NOS1AP: variants seen among roughly 807,000 people sequenced by gnomAD.
The protein encoded by NOS1AP is nitric oxide synthase 1 adaptor protein.
A neutral mutation model predicts 56.2 loss-of-function variants in NOS1AP; 21 were observed. That is an observed-to-expected ratio of 0.37 (90% confidence interval 0.26 to 0.54). The LOEUF (loss-of-function observed/expected upper bound fraction) is 0.54. Ranked by LOEUF, NOS1AP falls within the 20% of genes least tolerant of loss-of-function variation. The pLI, the probability that NOS1AP is intolerant of heterozygous loss-of-function variation, is 0.84. For synonymous variants in NOS1AP, 270 were observed against 274.6 expected (o/e 0.98, Z 0.17); for missense variants, 522 against 657.8 (o/e 0.79, Z 2.26).
intron 2 of NOS1AP, among the ~76,000 whole-genome samples, chr1:162,278,857 T>C (rs895377771): frequency 6.6e-6 from 1 of 152,194 alleles, no homozygotes; most frequent in Non-Finnish European, 1.5e-5. Flanking sequence ...CAAATCAGGG[T>C]GACTGGGACA....
chr1:162,077,449 T>A (rs1420322029), intron 1 of NOS1AP, among the ~76,000 whole-genome samples: 1 of 152,208 alleles, frequency 6.6e-6, no homozygotes, highest in Non-Finnish European at 1.5e-5. Context: ...AAAAGTTGGA[T>A]TGGCTTTTTT....
chr1:162,306,781 A>G (rs766658139), intron 4 of NOS1AP, among the ~76,000 whole-genome samples: 19 of 152,100 alleles, frequency 1.2e-4, no homozygotes, highest in Non-Finnish European at 2.5e-4. Context: ...TACTAATTAT[A>G]CAAAAATTAG....
At chr1:162,162,406 A>G (rs1236891789) in intron 2 of NOS1AP, among the ~76,000 whole-genome samples, 4 of 152,172 alleles carry the variant, frequency 2.6e-5, no homozygotes, top group Non-Finnish European at 5.9e-5. Flanking sequence ...GGCGGGGCTG[A>G]TATGTAGCCA....
intron 2 of NOS1AP, among the ~76,000 whole-genome samples, chr1:162,179,971 A>G (rs920490072): frequency 1.3e-5 from 2 of 152,184 alleles, no homozygotes; most frequent in Non-Finnish European, 2.9e-5. Context: ...GGCTGCTGGC[A>G]AGAATGTAGG....
intron 4 of NOS1AP, among the ~76,000 whole-genome samples, chr1:162,321,881 AAAC>A (rs1656434323): frequency 6.6e-6 from 1 of 150,784 alleles, no homozygotes; most frequent in Non-Finnish European, 1.5e-5. Context: ...ATAAAGATGG[AAAC>A]AACAGACACT....
intron 2 of NOS1AP, among the ~76,000 whole-genome samples, chr1:162,275,632 A>G (rs1263048994): frequency 6.6e-6 from 1 of 152,198 alleles, no homozygotes; most frequent in Non-Finnish European, 1.5e-5. Context: ...AACCTGCCTC[A>G]CATCACAGAT....
intron 1 of NOS1AP, among the ~76,000 whole-genome samples, chr1:162,134,978 C>A (rs986846708): frequency 7.9e-5 from 12 of 152,206 alleles, no homozygotes; most frequent in African/African-American, 2.9e-4. Context: ...TTTCTATGCA[C>A]GCTGATGTTC....
rs545818563 is a variant in NOS1AP at position 162,160,041 on chromosome 1, C to T, written c.177+5565C>T. 1.9e-3 allele frequency among the ~76,000 whole-genome samples: 288 copies of T among 152,228 alleles called. 1 individual carries two copies. Among genetic ancestry groups the T allele is most frequent in the Admixed American group, 3.3e-3 (50 of 15,304 alleles). The stretch of plus-strand genomic sequence containing the variant: ...AAACCAGGGGATAGATCCCTGCAGT[C>T]GAAACGTGGTGCAGCCTCTGGTGGC... On this transcript the variant is annotated intron_variant, in intron 2 of 9. Transcript: ENST00000361897.
intron 2 of NOS1AP, among the ~76,000 whole-genome samples, chr1:162,255,464 G>A (rs1403827742): frequency 7.6e-6 from 1 of 131,272 alleles, no homozygotes; most frequent in East Asian, 2.2e-4. Context: ...AGGGATTTCA[G>A]ATGCATAGGT....
intron 1 of NOS1AP, among the ~76,000 whole-genome samples, chr1:162,080,546 A>G (rs78958053): frequency 0.038 from 5,721 of 152,226 alleles, 151 homozygotes; most frequent in Non-Finnish European, 0.056. Flanking sequence ...ATCCCACAGC[A>G]CCCTGTAACA....
chr1:162,333,477 C>A (rs1318031997), intron 5 of NOS1AP, among the ~76,000 whole-genome samples: 1 of 152,060 alleles, frequency 6.6e-6, no homozygotes, highest in Non-Finnish European at 1.5e-5. Flanking sequence ...GATTAGGGGG[C>A]TACAAAATAT....
intron 1 of NOS1AP, among the ~76,000 whole-genome samples, chr1:162,112,811 G>A (rs939724550): frequency 2.0e-5 from 3 of 152,210 alleles, no homozygotes; most frequent in Non-Finnish European, 4.4e-5. Flanking sequence ...ATGTGCATAT[G>A]CCATAGACTG....
At chr1:162,134,701 A>G (rs1482069194) in intron 1 of NOS1AP, among the ~76,000 whole-genome samples, 1 of 151,906 alleles carries the variant, frequency 6.6e-6, no homozygotes, top group East Asian at 1.9e-4. Context: ...CTCTCCTCCT[A>G]TCCCTGATTC....
In NOS1AP at chr1:162,155,245, T is replaced by C. The variant is rs60857030; in HGVS notation, c.177+769T>C. Reference sequence around the variant, plus strand: ...TTATACATATATATATACATATACATATACACATACATATATATATACACA... The same window carrying C: ...TTATACATATATATATACATATACACATACACATACATATATATATACACA... On this transcript the variant is annotated intron_variant, in intron 2 of 9. Coordinates refer to ENST00000361897, the MANE Select transcript of NOS1AP (RefSeq NM_014697.3). Among the ~76,000 whole-genome samples the C allele has an allele frequency of 1.8e-4, 15 of 83,652 alleles. No individual in the cohort carries two copies. In the East Asian group the frequency reaches 2.3e-3, roughly 13 times the overall value. 54.9% of individuals were successfully genotyped at this position (83,652 alleles called of 152,430 possible). A position where few individuals can be genotyped will look rare whatever the true frequency, so the allele number is the denominator to read the frequency against.
At chr1:162,131,730 C>A (rs574608016) in intron 1 of NOS1AP, among the ~76,000 whole-genome samples, 16 of 151,814 alleles carry the variant, frequency 1.1e-4, no homozygotes, top group African/African-American at 3.9e-4. Flanking sequence ...TGTTATAAGG[C>A]GGCATTTTTT....
intron 2 of NOS1AP, among the ~76,000 whole-genome samples, chr1:162,164,519 C>A (rs184102730): frequency 2.0e-5 from 3 of 152,176 alleles, no homozygotes; most frequent in African/African-American, 7.2e-5. Flanking sequence ...AACAATAGCT[C>A]TGTTTTCCCG....
intron 1 of NOS1AP, among the ~76,000 whole-genome samples, chr1:162,122,926 ATTTGT>A (rs1487462776): frequency 6.6e-6 from 1 of 152,238 alleles, no homozygotes; most frequent in East Asian, 1.9e-4. Flanking sequence ...TATTTGTTTT[ATTTGT>A]TTTATCAACA....
chr1:162,356,994 C>T lies in NOS1AP; in HGVS notation c.797C>T (p.Ser266Leu). Residue 266 changes from serine to leucine, a missense_variant, in exon 8 of 10, where the codon TCA becomes TTA. Ser to Leu is a moderately radical substitution (Grantham distance 145). Around this residue, in one of 4 missense-constraint regions of NOS1AP, gnomAD observed 178 missense variants for 165.0 expected, o/e 1.08. Transcript: ENST00000361897. ...SHPQEPMLTASPRMLLPSSSS... is the reference protein window; with the variant it reads ...SHPQEPMLTALPRMLLPSSSS... ...CCCCAGGAGCCCATGCTGACAGCCTCACCCAGGATGCTGCTCCCTTCTTCT... is the reference window on the plus strand; with the variant it reads ...CCCCAGGAGCCCATGCTGACAGCCTTACCCAGGATGCTGCTCCCTTCTTCT... 6.2e-7 allele frequency: 1 copy of T among 1,614,150 alleles called. No homozygotes were observed. The highest frequency in any genetic ancestry group is 2.2e-5 in the East Asian group (1 of 44,882).
chr1:162,167,141 G>T lies in NOS1AP; in HGVS notation c.177+12665G>T, dbSNP rs898690875. ...TCCCTGGAGAGGCATTTAACCGCAC[G>T]AAGGTTTATGGTGGAAATGACAAAT... On this transcript the variant is annotated intron_variant, in intron 2 of 9. Transcript: ENST00000361897. 2.6e-5 allele frequency among the ~76,000 whole-genome samples: 4 copies of T among 152,286 alleles called. No homozygotes were observed. In the South Asian group the frequency reaches 8.3e-4, roughly 32 times the overall value.
Sources: gnomAD v4.1 joint callset for allele counts (sites outside exome capture counted in the v4.1 genomes callset) on GRCh38, gnomAD v4.1.1 for gene constraint, gnomAD v4.1.1 regional missense constraint, MANE v1.5 for transcripts, NCBI Gene and HGNC (gene_info 2026-07-23, HGNC 2026-07-21) for gene names.